CCDC170: variants seen among roughly 807,000 people sequenced by gnomAD.
CCDC170 encodes coiled-coil domain containing 170.
A neutral mutation model predicts 72.6 loss-of-function variants in CCDC170; 69 were observed. The observed-to-expected ratio is 0.95, with a 90% CI of 0.78 to 1.16. The LOEUF (loss-of-function observed/expected upper bound fraction) is 1.16. CCDC170 is among the 50% of genes most tolerant of loss of function. The pLI, the probability that CCDC170 is intolerant of heterozygous loss-of-function variation, is 0.00. For missense variants in CCDC170, 852 were observed against 832.5 expected, an observed-to-expected ratio of 1.02 and a Z score of -0.29; for synonymous variants, 300 against 303.9, an observed-to-expected ratio of 0.99 and a Z score of 0.13.
At chr6:151,558,054 G>A (rs957214711) in intron 5 of CCDC170, among the ~76,000 whole-genome samples, 3 of 151,942 alleles carry the variant, frequency 2.0e-5, no homozygotes, top group African/African-American at 7.3e-5. Context: ...AGCCGAGATT[G>A]CGCCACTGCA....
intron 1 of CCDC170, among the ~76,000 whole-genome samples, chr6:151,518,388 G>C (rs1159486547): frequency 6.6e-6 from 1 of 152,092 alleles, no homozygotes; most frequent in Non-Finnish European, 1.5e-5. Context: ...CAAATGTGAG[G>C]ACTAAGATGT....
chr6:151,564,390 G>A (rs1425882893), intron 5 of CCDC170, among the ~76,000 whole-genome samples: 1 of 152,070 alleles, frequency 6.6e-6, no homozygotes, highest in African/African-American at 2.4e-5. Flanking sequence ...GGCCCCGATG[G>A]GAACAGCAGT....
At chr6:151,543,811 A>G (rs546081023) in intron 3 of CCDC170, among the ~76,000 whole-genome samples, 3 of 152,314 alleles carry the variant, frequency 2.0e-5, no homozygotes, top group East Asian at 1.9e-4. Flanking sequence ...TCACTCTTTT[A>G]AAAGGCTGAG....
In CCDC170 at chr6:151,620,188, C is replaced by T. The variant is rs1191920481; in HGVS notation, c.*2041C>T. ...ACCAATAAATGTAGAATGGATGATT[C>T]CAAAAAAAAAAAAAAAAAGAAGAAA... On this transcript the variant is annotated 3_prime_UTR_variant, in exon 11 of 11. Coordinates refer to ENST00000239374, the MANE Select transcript of CCDC170 (RefSeq NM_025059.4). 3.1e-5 allele frequency: 1 copy of T among 32,076 alleles called. No homozygotes were observed. Among genetic ancestry groups the T allele is most frequent in the African/African-American group, 1.8e-4 (1 of 5,590 alleles). 2.0% of individuals were successfully genotyped at this position (32,076 alleles called of 1,614,324 possible). A position where few individuals can be genotyped will look rare whatever the true frequency, so the allele number is the denominator to read the frequency against.
chr6:151,605,962 C>T (rs946168597), intron 9 of CCDC170, among the ~76,000 whole-genome samples: 5 of 149,128 alleles, frequency 3.4e-5, no homozygotes, highest in African/African-American at 7.4e-5. Context: ...AGTGCAATGG[C>T]GTGATCTCAG....
intron 6 of CCDC170, among the ~76,000 whole-genome samples, chr6:151,581,184 T>TC (rs1776374810): frequency 6.6e-6 from 1 of 152,188 alleles, no homozygotes; most frequent in African/African-American, 2.4e-5. Flanking sequence ...CTCTTTTTTT[T>TC]CTCAAAAGAT....
intron 8 of CCDC170, 92 bp downstream of exon 8, chr6:151,593,372 G>C: frequency 1.5e-6 from 2 of 1,318,730 alleles, no homozygotes; most frequent in African/African-American, 3.0e-5. Flanking sequence ...ATGTTTACCA[G>C]TGTAGCTAGG....
intron 8 of CCDC170, among the ~76,000 whole-genome samples, chr6:151,594,567 C>A (rs1477535076): frequency 6.6e-6 from 1 of 152,002 alleles, no homozygotes; most frequent in Non-Finnish European, 1.5e-5. Context: ...AACACCATTA[C>A]TTCTTAATAA....
At chr6:151,539,862 T>C (rs1782655620) in intron 3 of CCDC170, among the ~76,000 whole-genome samples, 2 of 152,240 alleles carry the variant, frequency 1.3e-5, no homozygotes, top group Admixed American at 6.5e-5. Context: ...TCCATTCTTC[T>C]AGTTGATCAT....
At chr6:151,503,604 C>T (rs995251330) in intron 1 of CCDC170, among the ~76,000 whole-genome samples, 5 of 152,120 alleles carry the variant, frequency 3.3e-5, no homozygotes, top group Admixed American at 2.0e-4. Context: ...AGGCATGCAC[C>T]ACCACGCCCA....
At chr6:151,536,938 T>G (rs1482064) in intron 2 of CCDC170, among the ~76,000 whole-genome samples, 90,638 of 151,974 alleles carry the variant, frequency 0.6, 29,950 homozygotes, top group Admixed American at 0.72. Context: ...TTTGCCAGAT[T>G]GTAAAGCTAG....
At chr6:151,607,944 C>T (rs1776811158) in intron 9 of CCDC170, among the ~76,000 whole-genome samples, 1 of 152,110 alleles carries the variant, frequency 6.6e-6, no homozygotes, top group African/African-American at 2.4e-5. Flanking sequence ...GTTTTCCATC[C>T]CTTTTCCTTC....
intron 1 of CCDC170, among the ~76,000 whole-genome samples, chr6:151,521,223 A>C (rs1311978350): frequency 6.6e-6 from 1 of 152,178 alleles, no homozygotes; most frequent in Non-Finnish European, 1.5e-5. Context: ...TAAAGGAGAC[A>C]GTGGGTTCCA....
intron 1 of CCDC170, among the ~76,000 whole-genome samples, chr6:151,527,425 G>C (rs189145001): frequency 1.3e-5 from 2 of 152,092 alleles, no homozygotes; most frequent in African/African-American, 4.8e-5. Context: ...CAGAAACCAC[G>C]AGCAGATAGA....
chr6:151,580,558 TAAG>T (rs1363311611), intron 6 of CCDC170, among the ~76,000 whole-genome samples: 11 of 152,100 alleles, frequency 7.2e-5, no homozygotes, highest in Non-Finnish European at 1.5e-4. Flanking sequence ...AGGTAGGAAA[TAAG>T]AAATGAGGTT....
intron 5 of CCDC170, among the ~76,000 whole-genome samples, chr6:151,561,779 T>A (rs1776038401): frequency 6.6e-6 from 1 of 152,084 alleles, no homozygotes; most frequent in Non-Finnish European, 1.5e-5. Context: ...TAGGGAAAAA[T>A]TTCTGAATTT....
chr6:151,510,059 G>A (rs542762945), intron 1 of CCDC170, among the ~76,000 whole-genome samples: 1 of 152,290 alleles, frequency 6.6e-6, no homozygotes, highest in East Asian at 1.9e-4. Context: ...GGAGGTGGAG[G>A]TTGCGGTGAG....
chr6:151,608,725 T>A lies in CCDC170; in HGVS notation c.1711-6718T>A, dbSNP rs377570504. On this transcript the variant is annotated intron_variant, in intron 9 of 10. Transcript: ENST00000239374. ...TGCAGAGATGAGGTGGTCCCACCACTGGAAGTGGGGTCAGACTGCCAGTGG... is the reference window on the plus strand; with the variant it reads ...TGCAGAGATGAGGTGGTCCCACCACAGGAAGTGGGGTCAGACTGCCAGTGG... Among the ~76,000 whole-genome samples the A allele has an allele frequency of 4.7e-4, 72 of 152,268 alleles. 1 individual carries two copies. The South Asian group carries it at 0.014, about 30-fold the overall frequency.
intron 3 of CCDC170, among the ~76,000 whole-genome samples, chr6:151,542,439 C>T (rs1782706482): frequency 6.6e-6 from 1 of 152,080 alleles, no homozygotes; most frequent in African/African-American, 2.4e-5. Flanking sequence ...CCAGGTTGGT[C>T]TTGAATCCCT....
Sources: allele counts gnomAD v4.1 joint callset (sites outside exome capture counted in the v4.1 genomes callset), GRCh38; gene constraint gnomAD v4.1.1; transcripts MANE v1.5; gene names NCBI Gene and HGNC (gene_info 2026-07-23, HGNC 2026-07-21).